FAM171A1: variants seen among roughly 807,000 people sequenced by gnomAD.
FAM171A1 encodes the protein protein FAM171A1.
FAM171A1 carries 23 observed loss-of-function variants against 74.9 expected under a neutral mutation model. The ratio of observed to expected loss-of-function variants is 0.31; its 90% CI spans 0.22 to 0.44. The LOEUF is 0.44. Among genes scored for constraint, FAM171A1 ranks in the 20% least tolerant of loss-of-function variants. FAM171A1 has a pLI of 1.00. For synonymous variants in FAM171A1, 527 were observed against 505.7 expected (o/e 1.04, Z -0.57); for missense variants, 1,162 against 1,159.2 (o/e 1.00, Z -0.03).
intron 1 of FAM171A1, among the ~76,000 whole-genome samples, chr10:15,333,113 C>T (rs1026058944): frequency 2.0e-5 from 3 of 152,184 alleles, no homozygotes; most frequent in African/African-American, 7.2e-5. Flanking sequence ...AGTCCTGAGA[C>T]CCCATTCTCA....
At chr10:15,236,523 C>G (rs1049466109) in intron 5 of FAM171A1, among the ~76,000 whole-genome samples, 3 of 151,882 alleles carry the variant, frequency 2.0e-5, no homozygotes, top group Admixed American at 6.6e-5. Flanking sequence ...CAACGAGTCA[C>G]CAGAGGAGGA....
chr10:15,335,662 A>ATCT, intron 1 of FAM171A1, among the ~76,000 whole-genome samples: 1 of 152,338 alleles, frequency 6.6e-6, no homozygotes, highest in East Asian at 1.9e-4. Context: ...ACAGCCTGAA[A>ATCT]GTGACAGGGG....
intron 1 of FAM171A1, among the ~76,000 whole-genome samples, chr10:15,370,733 C>G (rs1329336230): frequency 7.1e-6 from 1 of 140,938 alleles, no homozygotes; most frequent in Non-Finnish European, 1.6e-5. Flanking sequence ...AGCCCCCGAT[C>G]CCCGGCCCCC....
At chr10:15,217,263 G>GT (rs1833978845) in intron 6 of FAM171A1, among the ~76,000 whole-genome samples, 1 of 152,162 alleles carries the variant, frequency 6.6e-6, no homozygotes, top group African/African-American at 2.4e-5. Context: ...CAATATTTAG[G>GT]TATTTATTGG....
At chr10:15,287,692 C>T (rs550445122) in intron 1 of FAM171A1, among the ~76,000 whole-genome samples, 11 of 152,252 alleles carry the variant, frequency 7.2e-5, no homozygotes, top group Middle Eastern at 6.8e-3. Flanking sequence ...GGTTCCCCCA[C>T]ACACATTTTC....
At chr10:15,274,651 G>A (rs1834869546) in intron 3 of FAM171A1, among the ~76,000 whole-genome samples, 1 of 152,206 alleles carries the variant, frequency 6.6e-6, no homozygotes, top group Non-Finnish European at 1.5e-5. Flanking sequence ...CAAGGTTACA[G>A]TAACCAAAAC....
intron 5 of FAM171A1, among the ~76,000 whole-genome samples, chr10:15,236,760 G>A (rs1350839823): frequency 6.6e-6 from 1 of 152,138 alleles, no homozygotes; most frequent in African/African-American, 2.4e-5. Context: ...TTTCACCCAG[G>A]TTAATATTAG....
intron 1 of FAM171A1, among the ~76,000 whole-genome samples, chr10:15,298,981 C>T (rs528242828): frequency 1.3e-5 from 2 of 152,132 alleles, no homozygotes; most frequent in African/African-American, 4.8e-5. Flanking sequence ...AGTGCAGTGG[C>T]ATGATCTCGG....
intron 1 of FAM171A1, among the ~76,000 whole-genome samples, chr10:15,325,195 C>G (rs1835536658): frequency 6.6e-6 from 1 of 152,132 alleles, no homozygotes; most frequent in Admixed American, 6.6e-5. Context: ...CTGAAGCAGA[C>G]AGAGAACTTT....
intron 1 of FAM171A1, among the ~76,000 whole-genome samples, chr10:15,326,632 GTTGT>G (rs368135428): frequency 2.0e-5 from 3 of 150,682 alleles, no homozygotes; most frequent in African/African-American, 7.3e-5. Flanking sequence ...TACAATTCTT[GTTGT>G]TTGTTTTTTA....
At chr10:15,290,635 G>A (rs1588536447) in intron 1 of FAM171A1, among the ~76,000 whole-genome samples, 1 of 152,286 alleles carries the variant, frequency 6.6e-6, no homozygotes, top group South Asian at 2.1e-4. Flanking sequence ...ATTCTGAACT[G>A]GAAGAAGTGC....
At chr10:15,240,664 T>A in intron 5 of FAM171A1, 1 of 966,894 alleles carries the variant, frequency 1.0e-6, no homozygotes, top group Non-Finnish European at 1.2e-6. Context: ...CTCCTAAGAG[T>A]AAACTTTCAA....
chr10:15,328,359 T>C (rs1835583418), intron 1 of FAM171A1, among the ~76,000 whole-genome samples: 2 of 152,170 alleles, frequency 1.3e-5, no homozygotes, highest in African/African-American at 4.8e-5. Context: ...TTGGGAAGGC[T>C]GGTCTTGGAC....
chr10:15,311,480 G>A (rs1223237596), intron 1 of FAM171A1, among the ~76,000 whole-genome samples: 7 of 152,162 alleles, frequency 4.6e-5, no homozygotes, highest in African/African-American at 1.2e-4. Flanking sequence ...CTGGGTAAAT[G>A]CTTTTGTTTC....
chr10:15,312,334 T>A (rs1835368812), intron 1 of FAM171A1, among the ~76,000 whole-genome samples: 1 of 152,268 alleles, frequency 6.6e-6, no homozygotes, highest in African/African-American at 2.4e-5. Flanking sequence ...TGTTGCTTAC[T>A]CGCTGCTGAA....
At chr10:15,259,488 C>T (rs34201032) in intron 3 of FAM171A1, among the ~76,000 whole-genome samples, 40,938 of 152,090 alleles carry the variant, frequency 0.27, 6,484 homozygotes, top group Middle Eastern at 0.36. Context: ...AATATAGACC[C>T]AGACTACAAC....
chr10:15,371,730 G>T (rs535609439), upstream of FAM171A1, among the ~76,000 whole-genome samples: 1 of 152,342 alleles, frequency 6.6e-6, no homozygotes, highest in South Asian at 2.1e-4. Flanking sequence ...TGGTTCTAGG[G>T]GTTAGGGTGG....
chr10:15,250,828 C>T (rs539877200), intron 4 of FAM171A1, among the ~76,000 whole-genome samples: 1 of 152,270 alleles, frequency 6.6e-6, no homozygotes, highest in African/African-American at 2.4e-5. Flanking sequence ...GTATAAACAA[C>T]TGAGAGATAA....
chr10:15,248,237 G>A (rs1188922796), intron 5 of FAM171A1, among the ~76,000 whole-genome samples: 3 of 151,470 alleles, frequency 2.0e-5, no homozygotes, highest in African/African-American at 7.3e-5. Context: ...TATTTTCTTT[G>A]TTTTGTACAG....
Sources: allele counts gnomAD v4.1 joint callset (sites outside exome capture counted in the v4.1 genomes callset), GRCh38; gene constraint gnomAD v4.1.1; transcripts MANE v1.5; gene names NCBI Gene and HGNC (gene_info 2026-07-23, HGNC 2026-07-21).